The following OR7E24 variants were observed in gnomAD, a reference collection of about 807,000 sequenced individuals.
OR7E24 encodes the protein olfactory receptor 7E24.
For synonymous variants in OR7E24, 130 were observed against 157.5 expected, an observed-to-expected ratio of 0.83 and a Z score of 1.31; for missense variants, 385 against 410.3, an observed-to-expected ratio of 0.94 and a Z score of 0.53.
rs1380095740 is a variant in OR7E24 at position 9,251,710 on chromosome 19, A to G, written c.667A>G (p.Ile223Val). The change falls in exon 1 of 1, where the codon ATA becomes GTA. Residue 223 changes from isoleucine to valine, a missense_variant. By Grantham distance (29) the Ile-to-Val change is conservative. Coordinates refer to ENST00000456448, the MANE Select transcript of OR7E24 (RefSeq NM_001079935.2). ...NEMVIYFMGA[I>V]FGCLPISGIL... is the part of the protein sequence containing the mutation. ...AATGGTCATATATTTCATGGGTGCC[A>G]TATTTGGCTGTCTCCCTATCTCAGG... is the stretch of plus-strand genomic sequence containing the variant. 3.7e-6 allele frequency: 6 copies of G among 1,613,480 alleles called. No individual in the cohort carries two copies. In the African/African-American group the frequency reaches 4.0e-5, roughly 11 times the overall value.
At chr19:9,246,456 C>G (rs928958884), upstream of OR7E24, among the ~76,000 whole-genome samples, 1 of 141,268 alleles carries the variant, frequency 7.1e-6, no homozygotes, top group African/African-American at 2.7e-5. Flanking sequence ...CTTATTTACC[C>G]TTAAAGGTAT....
At chr19:9,214,077 G>A in the OR7E24 span, 1 of 1,614,178 alleles carries the variant, frequency 6.2e-7, no homozygotes, top group Non-Finnish European at 8.5e-7. Context: ...CCCAAGTCCT[G>A]TTCCATAGAA....
chr19:9,227,009 C>G, the OR7E24 span, among the ~76,000 whole-genome samples: 10 of 152,172 alleles, frequency 6.6e-5, no homozygotes, highest in East Asian at 1.9e-3. Context: ...AAGCCTAGTA[C>G]CCATTAGTTA....
At chr19:9,239,911 A>G in the OR7E24 span, among the ~76,000 whole-genome samples, 1 of 151,652 alleles carries the variant, frequency 6.6e-6, no homozygotes, top group African/African-American at 2.4e-5. Flanking sequence ...GTTTCACCAT[A>G]TTGGTCAGGC....
the OR7E24 span, among the ~76,000 whole-genome samples, chr19:9,226,682 A>T: frequency 6.6e-6 from 1 of 152,212 alleles, no homozygotes; most frequent in Admixed American, 6.5e-5. Flanking sequence ...AGGTCTTTGA[A>T]TAAATTTTGC....
At chr19:9,210,601 TA>T in the OR7E24 span, 6 of 152,176 alleles carry the variant, frequency 3.9e-5, no homozygotes, top group South Asian at 4.2e-4. Flanking sequence ...AAAAACTCCA[TA>T]ACTTCCATAC....
chr19:9,207,679 CATT>C, the OR7E24 span: 1 of 152,196 alleles, frequency 6.6e-6, no homozygotes, highest in Non-Finnish European at 1.5e-5. Context: ...GTATTGTTCT[CATT>C]ATTCTGGTTT....
At chr19:9,227,745 A>ATTTTTTTT in the OR7E24 span, among the ~76,000 whole-genome samples, 1 of 121,716 alleles carries the variant, frequency 8.2e-6, no homozygotes, top group South Asian at 2.6e-4. Context: ...GTAGAATGGT[A>ATTTTTTTT]TTTCTTTTTT....
chr19:9,230,265 G>A, the OR7E24 span, among the ~76,000 whole-genome samples: 5 of 151,902 alleles, frequency 3.3e-5, no homozygotes, highest in Non-Finnish European at 5.9e-5. Flanking sequence ...GGCTGGTCTC[G>A]AACTCCTAAC....
chr19:9,224,392 T>G, the OR7E24 span, among the ~76,000 whole-genome samples: 2,096 of 152,190 alleles, frequency 0.014, 54 homozygotes, highest in African/African-American at 0.046. Flanking sequence ...CAAAGACATA[T>G]AAATATTTCC....
In OR7E24 at chr19:9,251,979, C is replaced by G. The variant is rs757876440; in HGVS notation, c.936C>G (p.Asn312Lys). Residue 312 changes from asparagine (N) to lysine (K), a missense_variant, in exon 1 of 1, where the codon AAC becomes AAG. Coordinates refer to ENST00000456448, the MANE Select transcript of OR7E24 (RefSeq NM_001079935.2). ...ACCCCTTCATCTACAGCCTGAGGAA[C>G]AAGGACATTCAAAGTGCCCTGTGCA... is the stretch of plus-strand genomic sequence containing the variant. ...MLNPFIYSLRNKDIQSALCRL... is the reference protein window; with the variant it reads ...MLNPFIYSLRKKDIQSALCRL... The G allele has an allele frequency of 6.2e-7, 1 of 1,614,038 alleles. No homozygotes were observed. Among genetic ancestry groups the G allele is most frequent in the Non-Finnish European group, 8.5e-7 (1 of 1,180,032 alleles).
chr19:9,210,585 C>G, the OR7E24 span: 1 of 152,136 alleles, frequency 6.6e-6, no homozygotes, highest in Non-Finnish European at 1.5e-5. Flanking sequence ...CAAAACAAAA[C>G]AAAACAAAAA....
chr19:9,226,042 C>T, the OR7E24 span, among the ~76,000 whole-genome samples: 2 of 152,340 alleles, frequency 1.3e-5, no homozygotes, highest in South Asian at 2.1e-4. Context: ...CCTGTGTCCA[C>T]AATGACATTG....
At chr19:9,242,361 C>G (rs79661840), upstream of OR7E24, among the ~76,000 whole-genome samples, 919 of 152,266 alleles carry the variant, frequency 6.0e-3, 17 homozygotes, top group East Asian at 0.04. Flanking sequence ...ATTCTTGTGT[C>G]TCAGCCTCCC....
At chr19:9,231,239 G>A in the OR7E24 span, among the ~76,000 whole-genome samples, 2 of 152,004 alleles carry the variant, frequency 1.3e-5, no homozygotes, top group African/African-American at 4.8e-5. Flanking sequence ...ATGCTATAGT[G>A]TTTTAATATG....
the OR7E24 span, among the ~76,000 whole-genome samples, chr19:9,231,682 T>A: frequency 6.6e-6 from 1 of 152,176 alleles, no homozygotes; most frequent in African/African-American, 2.4e-5. Context: ...TTATTTTGCA[T>A]TGTGTTTGTG....
the OR7E24 span, chr19:9,219,369 G>A: frequency 6.6e-6 from 1 of 152,168 alleles, no homozygotes; most frequent in African/African-American, 2.4e-5. Flanking sequence ...ACAGAAGGTG[G>A]GAGACACTGG....
At chr19:9,226,416 T>C in the OR7E24 span, among the ~76,000 whole-genome samples, 1 of 152,214 alleles carries the variant, frequency 6.6e-6, no homozygotes. Flanking sequence ...GTGTTTGTCC[T>C]GATTGGCTAG....
At chr19:9,218,049 A>G in the OR7E24 span, among the ~76,000 whole-genome samples, 4 of 152,196 alleles carry the variant, frequency 2.6e-5, no homozygotes, top group African/African-American at 4.8e-5. Context: ...TCCCTTTCAC[A>G]TTGGTCAACT....
Sources: gnomAD v4.1 joint callset for allele counts (sites outside exome capture counted in the v4.1 genomes callset) on GRCh38, gnomAD v4.1.1 for gene constraint, MANE v1.5 for transcripts, NCBI Gene and HGNC (gene_info 2026-07-23, HGNC 2026-07-21) for gene names.